Variants in CCNL1 observed in about 807,000 individuals in gnomAD.
The protein encoded by CCNL1 is cyclin-L1.
A neutral mutation model predicts 60.6 loss-of-function variants in CCNL1; 13 were observed. The observed-to-expected ratio is 0.21, with a 90% CI of 0.14 to 0.34. The LOEUF (loss-of-function observed/expected upper bound fraction) is 0.34, where lower values mean the gene tolerates loss of function less well. Ranked by LOEUF, CCNL1 falls within the 10% of genes least tolerant of loss-of-function variation. CCNL1 has a pLI of 1.00. For missense variants in CCNL1, 481 were observed against 664.3 expected, an observed-to-expected ratio of 0.72 and a Z score of 3.03; for synonymous variants, 270 against 244.3, an observed-to-expected ratio of 1.10 and a Z score of -0.98.
At chr3:157,146,824 C>A (rs1237398070), downstream of CCNL1, among the ~76,000 whole-genome samples, 1 of 152,116 alleles carries the variant, frequency 6.6e-6, no homozygotes, top group Non-Finnish European at 1.5e-5. Context: ...GAACTATCTA[C>A]CCTCTTTCAA....
At position 157,159,935 on chromosome 3, in the gene CCNL1, T is replaced by G. The variant is rs749913492; in HGVS notation, c.160A>C (p.Ile54Leu). 15 of 1,606,090 alleles carry G rather than the reference T, an allele frequency of 9.3e-6. No homozygotes were observed. Among genetic ancestry groups the G allele is most frequent in the Non-Finnish European group, 1.3e-5 (15 of 1,176,348 alleles). ...TCCTCCGGAATCAGAGAGTGGTCGA[T>G]GGTAAGTGAAACTTCCGAGTACAGG... ...DRLYSEVSLT[I>L]DHSLIPEERL... Residue 54 changes from isoleucine (I) to leucine (L), a missense_variant, in exon 1 of 11, where the codon ATC (isoleucine) becomes CTC (leucine). By Grantham distance (5) the Ile-to-Leu change is conservative. Coordinates refer to ENST00000295926, the MANE Select transcript of CCNL1 (RefSeq NM_020307.4).
At chr3:157,158,808 G>T in intron 3 of CCNL1, 58 bp downstream of exon 3, 1 of 1,043,234 alleles carries the variant, frequency 9.6e-7, no homozygotes, top group South Asian at 1.4e-5. Flanking sequence ...TTGATTTGAT[G>T]ACTGGTGCAC....
At chr3:157,155,954 A>G (rs1410068789) in intron 3 of CCNL1, among the ~76,000 whole-genome samples, 2 of 152,236 alleles carry the variant, frequency 1.3e-5, no homozygotes, top group Non-Finnish European at 2.9e-5. Flanking sequence ...TCTGATTTAT[A>G]CGAGAATTAT....
At chr3:157,155,009 G>T (rs1386420255) in intron 3 of CCNL1, among the ~76,000 whole-genome samples, 1 of 151,870 alleles carries the variant, frequency 6.6e-6, no homozygotes, top group Non-Finnish European at 1.5e-5. Flanking sequence ...CTATGATCAG[G>T]TTTTATCATC....
rs117807271 is a variant in CCNL1, at chr3:157,152,776, G to A, written c.609+260C>T. The A allele has an allele frequency of 1.1e-3, 1,360 of 1,199,890 alleles. 20 individuals carry two copies. The East Asian group carries it at 0.04, about 35-fold the overall frequency. 74.3% of individuals were successfully genotyped at this position (1,199,890 alleles called of 1,614,324 possible). A position where few individuals can be genotyped will look rare whatever the true frequency, so the allele number is the denominator to read the frequency against. On this transcript the variant is annotated intron_variant, in intron 4 of 10. Transcript: ENST00000295926. ...CTCTGTTTTCTAGGTGGAAAAACTG[G>A]GACTTTAACCACAGAAACAAAAATA...
intron 3 of CCNL1, among the ~76,000 whole-genome samples, chr3:157,158,437 G>C (rs539622850): frequency 6.6e-6 from 1 of 151,856 alleles, no homozygotes; most frequent in Admixed American, 6.5e-5. Context: ...AATTAACTGG[G>C]ACTTCGAGTA....
At position 157,148,189 on chromosome 3, in the gene CCNL1, C is replaced by T. The variant is rs1737878321; in HGVS notation, c.*52G>A. 2 of 1,569,294 alleles carry T rather than the reference C, an allele frequency of 1.3e-6. No homozygotes were observed. Among genetic ancestry groups the T allele is most frequent in the Middle Eastern group, 1.8e-4 (1 of 5,712 alleles). On this transcript the variant is annotated 3_prime_UTR_variant, in exon 11 of 11. Transcript: ENST00000295926. ...TGTTTTTGATTGAGTCCATACATCA[C>T]ACTGTAGATAGGCAAAACCAAGAAC...
At position 157,149,841 on chromosome 3, in the gene CCNL1, T is replaced by C. The variant is rs752415614; in HGVS notation, c.1016A>G (p.Lys339Arg). ...STLGGFSPAS[K>R]PSSPREVKAE... ...TAATTCTAAATACATCTTACATGGC[T>C]TGGAGGCTGGAGAAAATCCACCCAG... is the stretch of plus-strand genomic sequence containing the variant. The change falls in exon 8 of 11, where the codon AAG (lysine) becomes AGG (arginine). Residue 339 changes from lysine (K) to arginine (R), a missense_variant. Around this residue, in one of 5 missense-constraint regions of CCNL1, gnomAD observed 75 missense variants for 129.6 expected, o/e 0.58. Transcript: ENST00000295926. 26 of 1,613,792 alleles carry C rather than the reference T, an allele frequency of 1.6e-5. No individual in the cohort carries two copies. The highest frequency in any genetic ancestry group is 5.0e-5 in the Admixed American group (3 of 59,926).
Position 157,149,945 on chromosome 3 carries a change from T to C in CCNL1, c.912A>G (p.Glu304=). The change falls in exon 8 of 11, where the codon GAA becomes GAG. Residue 304 remains glutamate, a synonymous_variant. Coordinates refer to ENST00000295926, the MANE Select transcript of CCNL1 (RefSeq NM_020307.4). ...CTTCTTGTAAGGCTACTTTTCTTTT[T>C]TCTACTTCTTTTTCCAGTAATTCAT... ...PNYELLEKEV[E]KRKVALQEAK... is the part of the protein sequence containing the mutation. 1 of 1,613,706 alleles carries C rather than the reference T, an allele frequency of 6.2e-7. No individual in the cohort carries two copies. Among genetic ancestry groups the C allele is most frequent in the Non-Finnish European group, 8.5e-7 (1 of 1,179,916 alleles).
chr3:157,143,795 T>A (rs919918567), downstream of CCNL1, among the ~76,000 whole-genome samples: 1 of 152,064 alleles, frequency 6.6e-6, no homozygotes, highest in Non-Finnish European at 1.5e-5. Flanking sequence ...CACATGAGGA[T>A]GGCAATAAAG....
chr3:157,155,447 T>C (rs758355513), intron 3 of CCNL1, among the ~76,000 whole-genome samples: 1 of 152,184 alleles, frequency 6.6e-6, no homozygotes, highest in Non-Finnish European at 1.5e-5. Flanking sequence ...GACATCAAAA[T>C]AGATTTAAGA....
chr3:157,155,629 A>C (rs899204049), intron 3 of CCNL1, among the ~76,000 whole-genome samples: 40 of 152,156 alleles, frequency 2.6e-4, no homozygotes, highest in African/African-American at 9.7e-4. Context: ...TGCACACGTA[A>C]TTTACAACTA....
At chr3:157,159,672 G>A in intron 1 of CCNL1, 120 bp downstream of exon 1, 1 of 1,121,720 alleles carries the variant, frequency 8.9e-7, no homozygotes, top group Non-Finnish European at 1.2e-6. Flanking sequence ...GCTGGGCCCC[G>A]AACGGGAAAG....
In CCNL1 at chr3:157,148,061, T is replaced by C. The variant is rs1222924476; in HGVS notation, c.*180A>G. 7.2e-7 allele frequency: 1 copy of C among 1,383,276 alleles called. No individual in the cohort carries two copies. The highest frequency in any genetic ancestry group is 1.5e-5 in the African/African-American group (1 of 68,922). The allele number at this position is 1,383,276 out of a possible 1,614,324, so 85.7% of individuals were successfully genotyped here. ...ATTAGATACTGCTAGGGCATTTTAA[T>C]GTGCAAAAAAATTAACATAGTTCTT... On this transcript the variant is annotated 3_prime_UTR_variant, in exon 11 of 11. Transcript: ENST00000295926.
chr3:157,157,507 A>G (rs1228728811), intron 3 of CCNL1, among the ~76,000 whole-genome samples: 1 of 152,234 alleles, frequency 6.6e-6, no homozygotes, highest in Non-Finnish European at 1.5e-5. Flanking sequence ...ACCTTTGACT[A>G]AAGATAGAGC....
intron 4 of CCNL1, chr3:157,152,443 CA>C (rs1738266519): frequency 7.9e-7 from 1 of 1,263,970 alleles, no homozygotes; most frequent in African/African-American, 1.6e-5. Context: ...AAGCATATTT[CA>C]AAATTGTACA....
intron 3 of CCNL1, among the ~76,000 whole-genome samples, chr3:157,157,935 G>A (rs1181597005): frequency 1.3e-5 from 2 of 152,122 alleles, no homozygotes; most frequent in East Asian, 3.8e-4. Context: ...CCAACCCCCA[G>A]AACAACTTAT....
intron 4 of CCNL1, 184 bp downstream of exon 4, chr3:157,152,852 G>T (rs1738297527): frequency 1.5e-6 from 2 of 1,342,124 alleles, no homozygotes; most frequent in South Asian, 1.8e-5. Context: ...CTACATTTTT[G>T]ACTGTCATTT....
downstream of CCNL1, chr3:157,146,696 A>G: frequency 2.8e-6 from 1 of 359,066 alleles, no homozygotes. Flanking sequence ...GCCTTTCTTC[A>G]ATGTCTATCT....
Sources: allele counts gnomAD v4.1 joint callset (sites outside exome capture counted in the v4.1 genomes callset), GRCh38; gene constraint gnomAD v4.1.1; regional missense constraint gnomAD v4.1.1; transcripts MANE v1.5; gene names NCBI Gene and HGNC (gene_info 2026-07-23, HGNC 2026-07-21).